MYO9A: variants seen among roughly 807,000 people sequenced by gnomAD.
The protein encoded by MYO9A is myosin IXA, also known as unconventional myosin-IXa.
MYO9A carries 103 observed loss-of-function variants against 293.3 expected under a neutral mutation model. The ratio of observed to expected loss-of-function variants is 0.35; its 90% confidence interval spans 0.30 to 0.41. The LOEUF (loss-of-function observed/expected upper bound fraction) is 0.41. Among genes scored for constraint, MYO9A ranks in the 10% least tolerant of loss-of-function variants. MYO9A has a pLI of 1.00. For missense variants in MYO9A, 2,685 were observed against 3,033.0 expected, an observed-to-expected ratio of 0.89 and a Z score of 2.69; for synonymous variants, 1,001 against 1,035.7, an observed-to-expected ratio of 0.97 and a Z score of 0.64.
intron 25 of MYO9A, among the ~76,000 whole-genome samples, chr15:71,894,987 C>T (rs2057283070): frequency 6.6e-6 from 1 of 152,162 alleles, no homozygotes; most frequent in Non-Finnish European, 1.5e-5. Context: ...AATTGTTCTT[C>T]CATTCAAAAT....
intron 34 of MYO9A, among the ~76,000 whole-genome samples, chr15:71,855,355 C>T (rs528607443): frequency 6.6e-5 from 10 of 152,246 alleles, no homozygotes; most frequent in South Asian, 2.1e-4. Context: ...AGGCTGGTCT[C>T]GAGCTCCTGA....
rs186408969 is a variant in MYO9A, at chr15:71,858,317, T to C, written c.6153+1418A>G. 2.6e-5 allele frequency among the ~76,000 whole-genome samples: 4 copies of C among 152,264 alleles called. No individual in the cohort carries two copies. The South Asian group carries it at 6.2e-4, about 24-fold the overall frequency. On this transcript the variant is annotated intron_variant, in intron 34 of 41. Coordinates refer to ENST00000356056, the MANE Select transcript of MYO9A (RefSeq NM_006901.4). Reference sequence around the variant, plus strand: ...AAAGACACATGCACACATATGTTTATTGCGGCACTATTCACAATAGCAAAG... The same window carrying C: ...AAAGACACATGCACACATATGTTTACTGCGGCACTATTCACAATAGCAAAG...
intron 11 of MYO9A, 92 bp downstream of exon 11, chr15:71,991,011 A>C (rs942155348): frequency 1.7e-6 from 2 of 1,189,578 alleles, no homozygotes; most frequent in Non-Finnish European, 2.2e-6. Context: ...GTAAATCAAT[A>C]AAATGTGTGA....
At chr15:71,955,869 G>A (rs1370445480) in intron 14 of MYO9A, among the ~76,000 whole-genome samples, 1 of 152,002 alleles carries the variant, frequency 6.6e-6, no homozygotes, top group African/African-American at 2.4e-5. Context: ...TCTAGCCCTA[G>A]GCAAACACTA....
At chr15:71,904,560 G>A (rs1400315173) in intron 20 of MYO9A, among the ~76,000 whole-genome samples, 1 of 152,204 alleles carries the variant, frequency 6.6e-6, no homozygotes, top group East Asian at 1.9e-4. Context: ...GGCTGAGGCA[G>A]GAGAACTGCT....
intron 6 of MYO9A, among the ~76,000 whole-genome samples, chr15:72,014,764 A>AAG (rs2077278985): frequency 6.7e-6 from 1 of 148,166 alleles, no homozygotes; most frequent in African/African-American, 2.4e-5. Flanking sequence ...GAAAGAAAGA[A>AAG]AGAAAGAGAA....
At chr15:71,984,101 T>C (rs1290378010) in intron 11 of MYO9A, among the ~76,000 whole-genome samples, 1 of 152,232 alleles carries the variant, frequency 6.6e-6, no homozygotes, top group Non-Finnish European at 1.5e-5. Context: ...GCAGACTTTA[T>C]CTTTGCCTAG....
intron 1 of MYO9A, among the ~76,000 whole-genome samples, chr15:72,090,370 A>G (rs2079867932): frequency 6.6e-6 from 1 of 152,088 alleles, no homozygotes; most frequent in African/African-American, 2.4e-5. Context: ...TTTTGATATG[A>G]TACAGTTAAT....
At chr15:71,833,816 A>G (rs2054828132) in intron 39 of MYO9A, among the ~76,000 whole-genome samples, 1 of 152,164 alleles carries the variant, frequency 6.6e-6, no homozygotes, top group African/African-American at 2.4e-5. Flanking sequence ...GGAAATCACA[A>G]TGGAAATTAG....
At chr15:71,928,053 TATA>T (rs1444807574) in intron 18 of MYO9A, among the ~76,000 whole-genome samples, 8 of 12,274 alleles carry the variant, frequency 6.5e-4, no homozygotes, top group Non-Finnish European at 1.4e-3. Context: ...TATATATATA[TATA>T]TTTTTTTTTT....
chr15:72,096,933 G>A (rs2080082911), intron 1 of MYO9A, among the ~76,000 whole-genome samples: 1 of 152,194 alleles, frequency 6.6e-6, no homozygotes, highest in Non-Finnish European at 1.5e-5. Flanking sequence ...AGATATGACT[G>A]AACTGCAGCA....
In MYO9A at chr15:71,852,214, T is replaced by G. The variant is rs1318418579; in HGVS notation, c.6393A>C (p.Ala2131=). The G allele has an allele frequency of 6.2e-7, 1 of 1,613,284 alleles. No homozygotes were observed. The highest frequency in any genetic ancestry group is 1.7e-5 in the Admixed American group (1 of 60,004). ...NLDDYNIHVI[A]SVFKQWLRDL... ...CTCGAAGCCATTGTTTGAATACACTTGCAATGACGTGTATGTTATAGTCAT... is the reference window on the plus strand; with the variant it reads ...CTCGAAGCCATTGTTTGAATACACTGGCAATGACGTGTATGTTATAGTCAT... Residue 2131 remains alanine, a synonymous_variant, in exon 36 of 42, where the codon GCA becomes GCC. Coordinates refer to ENST00000356056, the MANE Select transcript of MYO9A (RefSeq NM_006901.4).
rs2079964475 is a variant in MYO9A at position 72,093,002 on chromosome 15, C to T, written c.-72+24678G>A. Among the ~76,000 whole-genome samples the T allele has an allele frequency of 2.0e-5, 3 of 151,776 alleles. No individual in the cohort carries two copies. In the South Asian group the frequency reaches 6.2e-4, roughly 32 times the overall value. On this transcript the variant is annotated intron_variant, in intron 1 of 41. Coordinates refer to ENST00000356056, the MANE Select transcript of MYO9A (RefSeq NM_006901.4). ...GAAGTAAAAAACATCAGGCCATAAA[C>T]ATTTAGAAAATACATGTGCAAAACC...
In MYO9A at chr15:71,825,033, G is replaced by A. The variant is rs1053913749; in HGVS notation, c.*1547C>T. 9.2e-5 allele frequency: 14 copies of A among 152,208 alleles called. No homozygotes were observed. The highest frequency in any genetic ancestry group is 1.6e-4 in the Non-Finnish European group (11 of 68,026). The allele number at this position is 152,208 out of a possible 1,614,324, so 9.4% of individuals were successfully genotyped here. ...ATGGTAAAGGCTCTTTTTCAGAGCA[G>A]TGCATGTAGTAGCAAGACAAGATGC... On this transcript the variant is annotated 3_prime_UTR_variant, in exon 42 of 42. Transcript: ENST00000356056.
intron 3 of MYO9A, among the ~76,000 whole-genome samples, chr15:72,028,240 A>ATATATAT (rs1429916158): frequency 3.0e-4 from 24 of 79,698 alleles, no homozygotes; most frequent in South Asian, 1.4e-3. Flanking sequence ...TATATATATA[A>ATATATAT]ATATATATAT....
chr15:71,938,993 T>C, intron 15 of MYO9A, 66 bp from the exon 16 acceptor site: 1 of 1,305,538 alleles, frequency 7.7e-7, no homozygotes, highest in Non-Finnish European at 1.1e-6. Flanking sequence ...TGAAATAGTT[T>C]TTCTAAAGAC....
intron 11 of MYO9A, among the ~76,000 whole-genome samples, chr15:71,979,263 A>C (rs1475496486): frequency 6.6e-6 from 1 of 152,184 alleles, no homozygotes; most frequent in African/African-American, 2.4e-5. Context: ...TTTAATTAAC[A>C]ATTTCACACA....
At chr15:71,958,823 G>A (rs934538424) in intron 14 of MYO9A, 3 of 152,144 alleles carry the variant, frequency 2.0e-5, no homozygotes, top group African/African-American at 7.2e-5. Context: ...GCATGTCATT[G>A]CCGATATTGA....
chr15:71,833,285 A>C (rs1467524052), intron 39 of MYO9A, among the ~76,000 whole-genome samples: 1 of 152,066 alleles, frequency 6.6e-6, no homozygotes, highest in African/African-American at 2.4e-5. Flanking sequence ...AGAGTAAAGA[A>C]ATGGGAAAAA....
Sources: gnomAD v4.1 joint callset for allele counts (sites outside exome capture counted in the v4.1 genomes callset) on GRCh38, gnomAD v4.1.1 for gene constraint, MANE v1.5 for transcripts, NCBI Gene and HGNC (gene_info 2026-07-23, HGNC 2026-07-21) for gene names.